PRKCZ: variants seen among roughly 807,000 people sequenced by gnomAD.
The protein encoded by PRKCZ is protein kinase C zeta type.
A neutral mutation model predicts 79.5 loss-of-function variants in PRKCZ; 33 were observed. The observed-to-expected ratio is 0.41, with a 90% CI of 0.31 to 0.55. The LOEUF (loss-of-function observed/expected upper bound fraction) is 0.55. Ranked by LOEUF, PRKCZ falls within the 20% of genes least tolerant of loss-of-function variation. The pLI is 0.19. For missense variants in PRKCZ, 578 were observed against 813.5 expected (o/e 0.71, Z 3.52); for synonymous variants, 342 against 320.9 (o/e 1.07, Z -0.70).
At chr1:2,151,134 G>GA (rs1479625319) in intron 9 of PRKCZ, among the ~76,000 whole-genome samples, 156 bp downstream of exon 9, 1 of 152,258 alleles carries the variant, frequency 6.6e-6, no homozygotes, top group African/African-American at 2.4e-5. Flanking sequence ...TAATGACCAG[G>GA]ATGTGTTCTG....
At chr1:2,078,844 C>CT (rs35626021) in intron 4 of PRKCZ, among the ~76,000 whole-genome samples, 16,821 of 133,950 alleles carry the variant, frequency 0.13, 1,190 homozygotes, top group Middle Eastern at 0.15. Context: ...CTGAAGGTGG[C>CT]TTTTTTTTTT....
At position 2,110,929 on chromosome 1, in the gene PRKCZ, C is replaced by T. The variant is rs75187922; in HGVS notation, c.335-24333C>T. The stretch of plus-strand genomic sequence containing the variant: ...AGAGACCGAGCCGGAAGGTGAGGGA[C>T]TGGAAGCTTGCACACGTCCCTGCGG... On this transcript the variant is annotated intron_variant, in intron 4 of 17. Transcript: ENST00000378567. Among the ~76,000 whole-genome samples, 478 of 152,182 alleles carry T rather than the reference C, an allele frequency of 3.1e-3. 12 individuals carry two copies. In the East Asian group the frequency reaches 0.066, roughly 21 times the overall value.
intron 16 of PRKCZ, chr1:2,182,052 C>T: frequency 3.0e-6 from 1 of 331,832 alleles, no homozygotes; most frequent in Non-Finnish European, 6.1e-6. Context: ...ACGTGTCCAG[C>T]CTTACGTGGA....
intron 4 of PRKCZ, among the ~76,000 whole-genome samples, chr1:2,095,725 C>T (rs527687107): frequency 1.8e-4 from 27 of 146,058 alleles, no homozygotes; most frequent in Non-Finnish European, 3.8e-4. Flanking sequence ...CTCCTTTTCC[C>T]TCCCCACCTT....
intron 5 of PRKCZ, among the ~76,000 whole-genome samples, chr1:2,135,712 C>T (rs375672892): frequency 1.2e-4 from 18 of 152,330 alleles, no homozygotes; most frequent in African/African-American, 1.9e-4. Context: ...TGTTTTCAGC[C>T]GCACACAGTG....
intron 4 of PRKCZ, among the ~76,000 whole-genome samples, chr1:2,076,705 G>A (rs952658278): frequency 3.3e-5 from 5 of 149,532 alleles, no homozygotes; most frequent in African/African-American, 5.0e-5. Context: ...TTGCGCCACC[G>A]CACTCCAGCC....
chr1:2,071,902 A>G (rs988422351), intron 4 of PRKCZ, among the ~76,000 whole-genome samples: 1 of 152,254 alleles, frequency 6.6e-6, no homozygotes, highest in African/African-American at 2.4e-5. Context: ...GCAGCACCCA[A>G]GGAGGTGCAT....
chr1:2,145,309 C>G (rs1200796025), intron 6 of PRKCZ: 1 of 152,230 alleles, frequency 6.6e-6, no homozygotes, highest in Non-Finnish European at 1.5e-5. Flanking sequence ...ACCACCAGTA[C>G]TGGTGGCTCC....
At chr1:2,080,893 C>A (rs189476147) in intron 4 of PRKCZ, among the ~76,000 whole-genome samples, 2 of 152,300 alleles carry the variant, frequency 1.3e-5, no homozygotes, top group Middle Eastern at 3.4e-3. Context: ...GACAGCCCTT[C>A]GCTGGGGTTT....
At chr1:2,147,230 CTT>C (rs1291365096) in intron 7 of PRKCZ, among the ~76,000 whole-genome samples, 20 of 151,554 alleles carry the variant, frequency 1.3e-4, no homozygotes, top group Non-Finnish European at 2.7e-4. Flanking sequence ...ATCCATCCAT[CTT>C]TTGTCCACTG....
At position 2,172,969 on chromosome 1, in the gene PRKCZ, CGT is replaced by C. The variant is rs951190453; in HGVS notation, c.1285+587_1285+588del. 1.3e-5 allele frequency among the ~76,000 whole-genome samples: 2 copies of C among 150,134 alleles called. No individual in the cohort carries two copies. Among genetic ancestry groups the C allele is most frequent in the African/African-American group, 2.5e-5 (1 of 40,274 alleles). ...GGGCACGCGTGTGCAGCCGTGTGTG[CGT>C]GTGTGAAACGGGGACGTGGGCACGC... On this transcript the variant is annotated intron_variant, in intron 13 of 17. Coordinates refer to ENST00000378567, the MANE Select transcript of PRKCZ (RefSeq NM_002744.6). This position sits in a 1 kb window ranked among gnomAD's most constrained non-coding sequence, Gnocchi z 7.8.
At chr1:2,146,004 C>T (rs371766326) in intron 6 of PRKCZ, 23 bp from the exon 7 acceptor site, 8 of 1,589,650 alleles carry the variant, frequency 5.0e-6, no homozygotes, top group Middle Eastern at 3.3e-4. Flanking sequence ...GGTCATGCTG[C>T]CATCTCTGTG....
At position 2,138,341 on chromosome 1, in the gene PRKCZ, C is replaced by T. The variant is rs778544622; in HGVS notation, c.420+2994C>T. ...CTGCCCTTGGACTTTGAGAAGGAAG[C>T]GTTCAGTGGGGGAGCCAAAGGGAGA... On this transcript the variant is annotated intron_variant, in intron 5 of 17. Coordinates refer to ENST00000378567, the MANE Select transcript of PRKCZ (RefSeq NM_002744.6). 1.7e-4 allele frequency among the ~76,000 whole-genome samples: 26 copies of T among 152,230 alleles called. 1 individual carries two copies. Among genetic ancestry groups the T allele is most frequent in the African/African-American group, 2.2e-4 (9 of 41,546 alleles).
At chr1:2,142,578 C>A in intron 5 of PRKCZ, 1 of 253,212 alleles carries the variant, frequency 3.9e-6, no homozygotes, top group Non-Finnish European at 7.9e-6. Context: ...GATGCCCCCT[C>A]TCACCCATCC....
intron 10 of PRKCZ, among the ~76,000 whole-genome samples, chr1:2,162,432 C>G (rs750042931): frequency 6.6e-6 from 1 of 152,068 alleles, no homozygotes; most frequent in Non-Finnish European, 1.5e-5. Context: ...GGGCCTGGCC[C>G]GAAACTGGCA....
At chr1:2,156,724 C>T (rs1423265125) in intron 10 of PRKCZ, 1 of 152,390 alleles carries the variant, frequency 6.6e-6, no homozygotes, top group African/African-American at 2.4e-5. Context: ...GGGGAAAATT[C>T]CAGAAGAAAC....
At chr1:2,154,818 T>G (rs1003611331) in intron 9 of PRKCZ, among the ~76,000 whole-genome samples, 1 of 152,224 alleles carries the variant, frequency 6.6e-6, no homozygotes, top group Non-Finnish European at 1.5e-5. Context: ...AAAGTTGACT[T>G]TGACCTTGCA....
In PRKCZ at chr1:2,172,880, G is replaced by A. The variant is rs372992449; in HGVS notation, c.1285+492G>A. On this transcript the variant is annotated intron_variant, in intron 13 of 17. Transcript: ENST00000378567. The surrounding 1 kb of genome is among the most constrained non-coding windows in gnomAD (Gnocchi z 7.8). ...GGCACGCGTGTGCAGCCGTGTGTGC[G>A]TGTGTGAAACGGGGACGTGGGCACG... Among the ~76,000 whole-genome samples, 95 of 152,326 alleles carry A rather than the reference G, an allele frequency of 6.2e-4. 1 individual carries two copies. The South Asian group carries it at 0.017, about 27-fold the overall frequency.
chr1:2,108,769 T>C (rs137903473), intron 4 of PRKCZ, among the ~76,000 whole-genome samples: 447 of 152,322 alleles, frequency 2.9e-3, no homozygotes, highest in African/African-American at 0.01. Flanking sequence ...GTGGATGAAC[T>C]TCCTGCGGCC....
Sources: allele counts gnomAD v4.1 joint callset (sites outside exome capture counted in the v4.1 genomes callset), GRCh38; gene constraint gnomAD v4.1.1; non-coding constraint Gnocchi (gnomAD v3.1); transcripts MANE v1.5; gene names NCBI Gene and HGNC (gene_info 2026-07-23, HGNC 2026-07-21).